ABI2: variants seen among roughly 807,000 people sequenced by gnomAD.
The protein encoded by ABI2 is abl interactor 2.
In ABI2, 25 loss-of-function variants were observed where a neutral mutation model predicts 59.2. That is an observed-to-expected ratio of 0.42 (90% confidence interval 0.31 to 0.59). ABI2 has a LOEUF of 0.59. Ranked by LOEUF, ABI2 falls within the 20% of genes least tolerant of loss-of-function variation. The probability of loss-of-function intolerance (pLI) is 0.14; values close to 1 mark genes in which losing one functional copy is unlikely to be tolerated. For missense variants in ABI2, 545 were observed against 681.8 expected, an observed-to-expected ratio of 0.80 and a Z score of 2.23; for synonymous variants, 213 against 235.5, an observed-to-expected ratio of 0.90 and a Z score of 0.87.
At chr2:203,380,775 AAG>A (rs1419854371) in intron 3 of ABI2, among the ~76,000 whole-genome samples, 2 of 152,222 alleles carry the variant, frequency 1.3e-5, no homozygotes, top group Non-Finnish European at 2.9e-5. Flanking sequence ...TTTCAAAAAC[AAG>A]ATATATTAAT....
At chr2:203,382,139 T>G in intron 3 of ABI2, 50 bp from the exon 4 acceptor site, 2 of 1,487,112 alleles carry the variant, frequency 1.3e-6, no homozygotes, top group Non-Finnish European at 9.0e-7. Context: ...AACTAACCTT[T>G]CAATGCTTTT....
Position 203,430,550 on chromosome 2 carries a change from C to T in ABI2, c.*3198C>T, listed in dbSNP as rs552434898. 2.0e-5 allele frequency: 3 copies of T among 152,280 alleles called. No homozygotes were observed. Among genetic ancestry groups the T allele is most frequent in the South Asian group, 2.1e-4 (1 of 4,824 alleles). The allele number at this position is 152,280 out of a possible 1,614,324, so 9.4% of individuals were successfully genotyped here. A position where few individuals can be genotyped will look rare whatever the true frequency, so the allele number is the denominator to read the frequency against. ...AAAAATAGTGCCAATGTGTCAAAAT[C>T]GACATCTGAGAGATTCAGCCTCCCA... On this transcript the variant is annotated 3_prime_UTR_variant, in exon 12 of 12. Coordinates refer to ENST00000261018, the MANE Select transcript of ABI2 (RefSeq NM_001375670.1).
intron 9 of ABI2, among the ~76,000 whole-genome samples, chr2:203,405,396 A>G (rs2097380275): frequency 6.6e-6 from 1 of 152,168 alleles, no homozygotes; most frequent in African/African-American, 2.4e-5. Flanking sequence ...TTAGAATATT[A>G]TTTATGAGTC....
chr2:203,426,835 A>G (rs1162116088), intron 11 of ABI2, among the ~76,000 whole-genome samples: 4 of 151,306 alleles, frequency 2.6e-5, no homozygotes, highest in Non-Finnish European at 5.9e-5. Context: ...ACAAACTCAA[A>G]TGAAGAAACA....
rs555158837 is a variant in ABI2 at position 203,351,142 on chromosome 2, C to T, written c.118-15735C>T. Among the ~76,000 whole-genome samples the T allele has an allele frequency of 1.4e-4, 21 of 152,200 alleles. No individual in the cohort carries two copies. In the South Asian group the frequency reaches 1.5e-3, roughly 11 times the overall value. On this transcript the variant is annotated intron_variant, in intron 1 of 11. Transcript: ENST00000261018. The stretch of plus-strand genomic sequence containing the variant: ...CCTCGTTAAATTGTTTTGGCATCTT[C>T]GTCAAAAATTACCCATAAATGTGCA...
At chr2:203,368,917 A>G (rs1044570744) in intron 2 of ABI2, among the ~76,000 whole-genome samples, 2 of 150,988 alleles carry the variant, frequency 1.3e-5, no homozygotes, top group African/African-American at 4.9e-5. Flanking sequence ...CCTGGGCTCA[A>G]GGGATCCTCC....
At chr2:203,419,454 C>T (rs1424544751) in intron 11 of ABI2, among the ~76,000 whole-genome samples, 5 of 151,530 alleles carry the variant, frequency 3.3e-5, no homozygotes, top group Middle Eastern at 3.4e-3. Context: ...CTGCAAGCTC[C>T]GACTACCGGG....
intron 9 of ABI2, among the ~76,000 whole-genome samples, chr2:203,405,593 C>T (rs968592824): frequency 6.6e-6 from 1 of 152,056 alleles, no homozygotes; most frequent in African/African-American, 2.4e-5. Flanking sequence ...CTCCCAGTAG[C>T]CCTGCAATTG....
rs2098453665 is a variant in ABI2 at position 203,427,906 on chromosome 2, A to C, written c.*554A>C. Reference sequence around the variant, plus strand: ...TCCTCTGTGACACTGTAAATTCTGCATTCTCTCAGCACTTGAGTGCACCAA... The same window carrying C: ...TCCTCTGTGACACTGTAAATTCTGCCTTCTCTCAGCACTTGAGTGCACCAA... On this transcript the variant is annotated 3_prime_UTR_variant, in exon 12 of 12. Transcript: ENST00000261018. The C allele has an allele frequency of 6.6e-6, 1 of 152,468 alleles. No homozygotes were observed. The highest frequency in any genetic ancestry group is 2.4e-5 in the African/African-American group (1 of 41,448). 9.4% of individuals were successfully genotyped at this position (152,468 alleles called of 1,614,324 possible).
At chr2:203,425,795 G>C (rs1442596690) in intron 11 of ABI2, among the ~76,000 whole-genome samples, 1 of 152,156 alleles carries the variant, frequency 6.6e-6, no homozygotes, top group Non-Finnish European at 1.5e-5. Flanking sequence ...GCCGAGGCAA[G>C]TGGATCACCT....
intron 1 of ABI2, among the ~76,000 whole-genome samples, chr2:203,333,362 AG>A (rs2074885656): frequency 6.6e-6 from 1 of 152,212 alleles, no homozygotes; most frequent in Non-Finnish European, 1.5e-5. Flanking sequence ...TACCTTTAAA[AG>A]AACCTTTTAA....
chr2:203,352,742 C>T (rs1394290112), intron 1 of ABI2, among the ~76,000 whole-genome samples: 3 of 152,130 alleles, frequency 2.0e-5, no homozygotes, highest in African/African-American at 4.8e-5. Context: ...CATAAATCTA[C>T]AGTGTTTTTA....
intron 1 of ABI2, among the ~76,000 whole-genome samples, chr2:203,333,496 T>C (rs2074956478): frequency 6.6e-6 from 1 of 152,150 alleles, no homozygotes; most frequent in Admixed American, 6.5e-5. Flanking sequence ...ATACCTAGAA[T>C]GAAGGAGAAA....
chr2:203,414,706 C>T (rs1336957615), intron 10 of ABI2, among the ~76,000 whole-genome samples: 1 of 152,192 alleles, frequency 6.6e-6, no homozygotes, highest in Non-Finnish European at 1.5e-5. Flanking sequence ...TGAAGCATGA[C>T]TTGAAGTTTT....
chr2:203,414,265 C>A (rs2097795734), intron 10 of ABI2, among the ~76,000 whole-genome samples: 1 of 152,040 alleles, frequency 6.6e-6, no homozygotes, highest in Non-Finnish European at 1.5e-5. Context: ...CCATGTGCGT[C>A]TAATTTTTGT....
intron 1 of ABI2, among the ~76,000 whole-genome samples, chr2:203,331,348 C>CTTTTTTTTTTTTTTTTT (rs201209202): frequency 1.2e-5 from 1 of 85,302 alleles, no homozygotes; most frequent in Non-Finnish European, 2.1e-5. Context: ...TCAATTTAGC[C>CTTTTTTTTTTTTTTTTT]TTTTTTTTTT....
chr2:203,340,017 A>C (rs2078955058), intron 1 of ABI2, among the ~76,000 whole-genome samples: 1 of 152,230 alleles, frequency 6.6e-6, no homozygotes, highest in Non-Finnish European at 1.5e-5. Context: ...GGTCAACTGC[A>C]TATGTAATAG....
rs71007515 is a variant in ABI2, at chr2:203,415,616, C to CAAAAAA, written c.1280-1270_1280-1265dup. 7.1e-4 allele frequency among the ~76,000 whole-genome samples: 30 copies of CAAAAAA among 42,328 alleles called. 1 individual carries two copies. Among genetic ancestry groups the CAAAAAA allele is most frequent in the African/African-American group, 1.7e-3 (27 of 16,084 alleles). 27.8% of individuals were successfully genotyped at this position (42,328 alleles called of 152,430 possible). ...TGGGCGATAGAGCGAGACTCCGTCT[C>CAAAAAA]AAAAAAAAAAAAAAAAAAAAAAAAA... On this transcript the variant is annotated intron_variant, in intron 10 of 11. Transcript: ENST00000261018.
chr2:203,338,793 G>C (rs1159940514), intron 1 of ABI2, among the ~76,000 whole-genome samples: 1 of 150,694 alleles, frequency 6.6e-6, no homozygotes, highest in Non-Finnish European at 1.5e-5. Context: ...AAAGATGAGA[G>C]TGACTACATC....
Sources: allele counts gnomAD v4.1 joint callset (sites outside exome capture counted in the v4.1 genomes callset), GRCh38; gene constraint gnomAD v4.1.1; transcripts MANE v1.5; gene names NCBI Gene and HGNC (gene_info 2026-07-23, HGNC 2026-07-21).